The following LEPR variants were observed in gnomAD, a reference collection of about 807,000 sequenced individuals.
The protein encoded by LEPR is OB receptor.
In LEPR, 56 loss-of-function variants were observed where a neutral mutation model predicts 114.7. That is an observed-to-expected ratio of 0.49 (90% confidence interval 0.39 to 0.61). The LOEUF is 0.61. LEPR is among the 20% of genes least tolerant of loss of function. The probability of loss-of-function intolerance (pLI) is 0.00; values close to 1 mark genes in which losing one functional copy is unlikely to be tolerated. For missense variants in LEPR, 1,202 were observed against 1,352.9 expected, an observed-to-expected ratio of 0.89 and a Z score of 1.75; for synonymous variants, 443 against 461.4, an observed-to-expected ratio of 0.96 and a Z score of 0.51.
chr1:65,557,647 C>T (rs202023017), intron 2 of LEPR, among the ~76,000 whole-genome samples: 2 of 152,100 alleles, frequency 1.3e-5, no homozygotes, highest in East Asian at 1.9e-4. Context: ...CTTGAACTCC[C>T]GACCTCAAGT....
At chr1:65,532,795 G>A (rs1236484634) in intron 2 of LEPR, among the ~76,000 whole-genome samples, 1 of 152,166 alleles carries the variant, frequency 6.6e-6, no homozygotes. Flanking sequence ...AACACAGAAA[G>A]CAGATCAGTG....
intron 2 of LEPR, among the ~76,000 whole-genome samples, chr1:65,558,025 T>A (rs183465883): frequency 1.3e-5 from 2 of 152,280 alleles, no homozygotes; most frequent in East Asian, 3.9e-4. Flanking sequence ...ACCAGGTGAG[T>A]TAAAAACAAG....
chr1:65,621,297 AAG>A, intron 17 of LEPR, 54 bp from the exon 18 acceptor site: 1 of 1,482,416 alleles, frequency 6.7e-7, no homozygotes, highest in Non-Finnish European at 9.4e-7. Context: ...TTGATACAGA[AAG>A]AAATTAATAT....
chr1:65,445,997 A>G (rs1646709401), intron 2 of LEPR, among the ~76,000 whole-genome samples: 1 of 152,202 alleles, frequency 6.6e-6, no homozygotes, highest in Non-Finnish European at 1.5e-5. Flanking sequence ...AAGTATTGTC[A>G]TCCTATTTTG....
chr1:65,593,704 A>T (rs1655859630), intron 6 of LEPR, among the ~76,000 whole-genome samples: 1 of 152,078 alleles, frequency 6.6e-6, no homozygotes, highest in Admixed American at 6.6e-5. Context: ...ACTTTTTGAA[A>T]CTGTGTATGA....
chr1:65,500,603 C>T (rs976835912), intron 2 of LEPR, among the ~76,000 whole-genome samples: 9 of 152,200 alleles, frequency 5.9e-5, no homozygotes, highest in Middle Eastern at 6.8e-3. Context: ...GTCTAACTTA[C>T]GATTTTCTGA....
intron 2 of LEPR, among the ~76,000 whole-genome samples, chr1:65,427,514 A>C (rs1471428573): frequency 2.0e-5 from 3 of 152,136 alleles, no homozygotes; most frequent in Non-Finnish European, 4.4e-5. Flanking sequence ...AGCTGTGATC[A>C]CACCACTGCA....
intron 2 of LEPR, among the ~76,000 whole-genome samples, chr1:65,454,133 TG>T (rs1300947652): frequency 6.6e-6 from 1 of 151,638 alleles, no homozygotes; most frequent in Non-Finnish European, 1.5e-5. Context: ...TCCATTTGCT[TG>T]GTAGATCTTC....
At chr1:65,423,220 G>A (rs1646287223) in intron 1 of LEPR, among the ~76,000 whole-genome samples, 4 of 152,144 alleles carry the variant, frequency 2.6e-5, no homozygotes, top group Non-Finnish European at 4.4e-5. Context: ...CTGGGCTGGA[G>A]CATCAGTTGC....
At chr1:65,426,953 G>A (rs530289267) in intron 2 of LEPR, among the ~76,000 whole-genome samples, 18 of 151,986 alleles carry the variant, frequency 1.2e-4, no homozygotes, top group African/African-American at 3.4e-4. Context: ...AGCCAAGATC[G>A]TGCCACTGCA....
intron 2 of LEPR, chr1:65,432,171 A>G (rs1301356224): frequency 1.8e-6 from 2 of 1,139,608 alleles, no homozygotes; most frequent in Non-Finnish European, 2.2e-6. Context: ...CGGTGCTCTC[A>G]GAAAATATAT....
chr1:65,525,736 A>T, intron 2 of LEPR: 1 of 986,006 alleles, frequency 1.0e-6, no homozygotes, highest in Non-Finnish European at 1.2e-6. Context: ...GCCCACGGCC[A>T]GCCGAGCGCG....
chr1:65,598,870 T>C, intron 8 of LEPR, 66 bp downstream of exon 8: 2 of 1,606,868 alleles, frequency 1.2e-6, no homozygotes, highest in Admixed American at 3.4e-5. Flanking sequence ...CTTTGTATAG[T>C]ATAAGCATCT....
At chr1:65,432,789 A>G in intron 2 of LEPR, 2 of 521,348 alleles carry the variant, frequency 3.8e-6, no homozygotes, top group Non-Finnish European at 2.5e-6. Flanking sequence ...ATATTTCAAT[A>G]TTGCTAAGAG....
At chr1:65,443,951 C>CTT (rs765741085) in intron 2 of LEPR, among the ~76,000 whole-genome samples, 1 of 84,716 alleles carries the variant, frequency 1.2e-5, no homozygotes, top group Non-Finnish European at 2.8e-5. Context: ...AGACCTGATA[C>CTT]TTTTTTTTTT....
chr1:65,636,776 AAG>A lies in LEPR; in HGVS notation c.3268_3269del (p.Ser1090TrpfsTer6). Reference protein sequence around the residue: ...IYYLGVTSIKKRESGVLLTDK... With the variant: ...IYYLGVTSIKXRESGVLLTDK... The stretch of plus-strand genomic sequence containing the variant: ...TTATTTAGGGGTCACCTCAATCAAA[AAG>A]AGAGAGAGTGGTGTGCTTTTGACTG... On this transcript the variant is annotated frameshift_variant, in exon 20 of 20. Transcript: ENST00000349533. LOFTEE classifies it high-confidence loss of function. 1 of 1,614,042 alleles carries A rather than the reference AAG, an allele frequency of 6.2e-7. No individual in the cohort carries two copies. Among genetic ancestry groups the A allele is most frequent in the Non-Finnish European group, 8.5e-7 (1 of 1,179,988 alleles).
chr1:65,455,824 CT>C (rs1285012556), intron 2 of LEPR, among the ~76,000 whole-genome samples: 17 of 152,254 alleles, frequency 1.1e-4, no homozygotes, highest in Non-Finnish European at 2.4e-4. Context: ...TTCGAGCTTC[CT>C]GGCTGCTTTG....
chr1:65,458,054 G>T (rs1262111700), intron 2 of LEPR, among the ~76,000 whole-genome samples: 1 of 152,342 alleles, frequency 6.6e-6, no homozygotes, highest in East Asian at 1.9e-4. Context: ...TGCCAACAAT[G>T]TGATACTGGA....
At chr1:65,611,924 C>T (rs1657194282) in intron 14 of LEPR, among the ~76,000 whole-genome samples, 1 of 152,148 alleles carries the variant, frequency 6.6e-6, no homozygotes, top group African/African-American at 2.4e-5. Flanking sequence ...CAACAAAGCT[C>T]TATGGGTTCT....
Sources: allele counts gnomAD v4.1 joint callset (sites outside exome capture counted in the v4.1 genomes callset), GRCh38; gene constraint gnomAD v4.1.1; transcripts MANE v1.5; gene names NCBI Gene and HGNC (gene_info 2026-07-23, HGNC 2026-07-21).